PARPBP: variants seen among roughly 807,000 people sequenced by gnomAD.
PARPBP encodes the protein PCNA-interacting partner.
PARPBP carries 52 observed loss-of-function variants against 50.0 expected under a neutral mutation model. The observed-to-expected ratio is 1.04, with a 90% CI of 0.83 to 1.31. The LOEUF is 1.31. PARPBP is among the 50% of genes most tolerant of loss of function. PARPBP has a pLI of 0.00. For synonymous variants in PARPBP, 244 were observed against 232.1 expected, an observed-to-expected ratio of 1.05 and a Z score of -0.47; for missense variants, 697 against 672.0, an observed-to-expected ratio of 1.04 and a Z score of -0.41.
At chr12:102,133,181 T>C (rs1464838110) in intron 2 of PARPBP, among the ~76,000 whole-genome samples, 2 of 152,154 alleles carry the variant, frequency 1.3e-5, no homozygotes, top group Admixed American at 6.5e-5. Flanking sequence ...TCTAGTACTA[T>C]GTTGAATAGA....
Position 102,148,220 on chromosome 12 carries a change from T to A in PARPBP, c.154-10T>A. ...TTTATTTTTTTTTTTTTTGGCATTA[T>A]CTTTTTCAGCACAGTGGAGAATTTA... is the stretch of plus-strand genomic sequence containing the variant. On this transcript the variant is annotated splice_polypyrimidine_tract_variant and intron_variant, in intron 2 of 10. Coordinates refer to ENST00000327680, the MANE Select transcript of PARPBP (RefSeq NM_017915.5). 1 of 1,218,650 alleles carries A rather than the reference T, an allele frequency of 8.2e-7. No individual in the cohort carries two copies. Among genetic ancestry groups the A allele is most frequent in the Non-Finnish European group, 1.2e-6 (1 of 867,080 alleles). The allele number at this position is 1,218,650 out of a possible 1,614,324, so 75.5% of individuals were successfully genotyped here.
chr12:102,129,299 T>A (rs1882492312), intron 2 of PARPBP, among the ~76,000 whole-genome samples: 1 of 152,150 alleles, frequency 6.6e-6, no homozygotes, highest in Admixed American at 6.5e-5. Context: ...TTTGCCCATT[T>A]TTTTTTTAAT....
chr12:102,130,247 A>G lies in PARPBP; in HGVS notation c.153+6206A>G, dbSNP rs548270218. Among the ~76,000 whole-genome samples, 12 of 152,342 alleles carry G rather than the reference A, an allele frequency of 7.9e-5. No homozygotes were observed. The East Asian group carries it at 2.3e-3, about 29-fold the overall frequency. On this transcript the variant is annotated intron_variant, in intron 2 of 10. Transcript: ENST00000327680. ...AACTACATACAAAAATCAACTCAAG[A>G]TGAGGGACTTACATATAAAACCCAA...
chr12:102,147,638 C>T (rs751948882), intron 2 of PARPBP, among the ~76,000 whole-genome samples: 6 of 151,650 alleles, frequency 4.0e-5, no homozygotes, highest in East Asian at 3.9e-4. Flanking sequence ...ATGGGTGCGG[C>T]GCACCAGCAT....
chr12:102,135,590 A>T (rs1883516275), intron 2 of PARPBP, among the ~76,000 whole-genome samples: 1 of 151,830 alleles, frequency 6.6e-6, no homozygotes, highest in Non-Finnish European at 1.5e-5. Flanking sequence ...TGGGTGTTTA[A>T]TTGGATGGAG....
rs532182056 is a variant in PARPBP, at chr12:102,147,729, A to G, written c.154-501A>G. On this transcript the variant is annotated intron_variant, in intron 2 of 10. Coordinates refer to ENST00000327680, the MANE Select transcript of PARPBP (RefSeq NM_017915.5). ...TTAAAGTATAATAATAATAAAATAAAAAAAATTAATCTTTATGACCATATT... is the reference window on the plus strand; with the variant it reads ...TTAAAGTATAATAATAATAAAATAAGAAAAATTAATCTTTATGACCATATT... 5.3e-5 allele frequency among the ~76,000 whole-genome samples: 8 copies of G among 152,184 alleles called. No individual in the cohort carries two copies. In the East Asian group the frequency reaches 1.5e-3, roughly 29 times the overall value.
chr12:102,151,071 A>G (rs1886118994), intron 3 of PARPBP, among the ~76,000 whole-genome samples: 1 of 151,624 alleles, frequency 6.6e-6, no homozygotes, highest in Non-Finnish European at 1.5e-5. Context: ...AAAACAACAC[A>G]CCATTTAAGG....
chr12:102,147,056 A>T (rs1329364297), intron 2 of PARPBP, among the ~76,000 whole-genome samples: 2 of 152,164 alleles, frequency 1.3e-5, no homozygotes, highest in Admixed American at 1.3e-4. Context: ...ATCATTAAAA[A>T]GTCAGGATAC....
intron 3 of PARPBP, chr12:102,152,124 C>G (rs1324192186): frequency 3.5e-6 from 1 of 288,670 alleles, no homozygotes; most frequent in Admixed American, 4.9e-5. Flanking sequence ...GCTCCTCTTC[C>G]TAGATGTTGG....
intron 1 of PARPBP, among the ~76,000 whole-genome samples, chr12:102,120,682 A>G (rs1249482375): frequency 1.3e-5 from 2 of 152,134 alleles, no homozygotes; most frequent in African/African-American, 2.4e-5. Flanking sequence ...GAACACTGAT[A>G]ATGATGTTGA....
chr12:102,132,474 A>T (rs1389252680), intron 2 of PARPBP, among the ~76,000 whole-genome samples: 1 of 151,956 alleles, frequency 6.6e-6, no homozygotes, highest in African/African-American at 2.4e-5. Context: ...AAATTTGTGG[A>T]TATATATCTT....
chr12:102,177,990 C>A (rs1276849664), intron 7 of PARPBP, among the ~76,000 whole-genome samples: 1 of 152,182 alleles, frequency 6.6e-6, no homozygotes, highest in African/African-American at 2.4e-5. Flanking sequence ...ACTGTGCGTA[C>A]ACTTATTAGA....
chr12:102,128,283 G>A (rs1882314066), intron 2 of PARPBP, among the ~76,000 whole-genome samples: 1 of 152,044 alleles, frequency 6.6e-6, no homozygotes, highest in Non-Finnish European at 1.5e-5. Flanking sequence ...CCATGCTGGA[G>A]TGCAGTGGTG....
intron 4 of PARPBP, chr12:102,154,915 A>G (rs1243837458): frequency 2.3e-6 from 1 of 430,426 alleles, no homozygotes; most frequent in Non-Finnish European, 4.6e-6. Context: ...GTGGCCACCT[A>G]TGAGACGTCA....
intron 4 of PARPBP, among the ~76,000 whole-genome samples, chr12:102,160,560 T>C (rs1042591216): frequency 8.5e-5 from 13 of 152,250 alleles, no homozygotes; most frequent in Non-Finnish European, 1.5e-4. Context: ...TCTTAGACTA[T>C]TGCACTGTGA....
At chr12:102,160,062 C>G (rs1487833719) in intron 4 of PARPBP, among the ~76,000 whole-genome samples, 1 of 152,146 alleles carries the variant, frequency 6.6e-6, no homozygotes, top group Non-Finnish European at 1.5e-5. Context: ...AATTTAGGCC[C>G]TTGCTCTTGG....
chr12:102,182,465 G>C, intron 8 of PARPBP, 84 bp from the exon 9 acceptor site: 1 of 899,936 alleles, frequency 1.1e-6, no homozygotes, highest in South Asian at 1.5e-5. Flanking sequence ...ATTGTATTGG[G>C]AATTAAGTTT....
chr12:102,185,493 C>G (rs1272113795), intron 9 of PARPBP, among the ~76,000 whole-genome samples: 1 of 152,074 alleles, frequency 6.6e-6, no homozygotes, highest in Non-Finnish European at 1.5e-5. Flanking sequence ...ACAGTTTTCT[C>G]TGTTTGGTTT....
intron 4 of PARPBP, among the ~76,000 whole-genome samples, chr12:102,156,189 T>TG (rs1171905008): frequency 7.6e-6 from 1 of 132,110 alleles, no homozygotes; most frequent in Non-Finnish European, 1.6e-5. Context: ...TTTTTTTTTT[T>TG]TTTTTTTTTT....
Sources: gnomAD v4.1 joint callset for allele counts (sites outside exome capture counted in the v4.1 genomes callset) on GRCh38, gnomAD v4.1.1 for gene constraint, MANE v1.5 for transcripts, NCBI Gene and HGNC (gene_info 2026-07-23, HGNC 2026-07-21) for gene names.